Variants in ZNF366 observed in about 807,000 individuals in gnomAD.
ZNF366 encodes zinc finger protein 366.
A neutral mutation model predicts 47.2 loss-of-function variants in ZNF366; 20 were observed. The observed-to-expected ratio is 0.42, with a 90% CI of 0.30 to 0.62. ZNF366 has a LOEUF of 0.62. ZNF366 is among the 20% of genes least tolerant of loss of function. ZNF366 has a pLI of 0.16. For missense variants in ZNF366, 987 were observed against 976.3 expected (o/e 1.01, Z -0.15); for synonymous variants, 421 against 395.1 (o/e 1.07, Z -0.78).
intron 1 of ZNF366, among the ~76,000 whole-genome samples, chr5:72,474,354 A>T (rs938088302): frequency 2.0e-5 from 3 of 152,022 alleles, no homozygotes; most frequent in Admixed American, 6.6e-5. Context: ...CACTGCACAC[A>T]AAGGAGAAAG....
chr5:72,480,778 C>A, intron 1 of ZNF366, among the ~76,000 whole-genome samples: 1 of 152,160 alleles, frequency 6.6e-6, no homozygotes, highest in East Asian at 1.9e-4. Flanking sequence ...AAAATACAAG[C>A]AAATTCAATC....
At chr5:72,477,388 G>A (rs1037810199) in intron 1 of ZNF366, among the ~76,000 whole-genome samples, 1 of 152,198 alleles carries the variant, frequency 6.6e-6, no homozygotes, top group East Asian at 1.9e-4. Flanking sequence ...CCTGGAAGTT[G>A]AGCTAATGGC....
At chr5:72,505,871 G>A (rs892812459) in intron 1 of ZNF366, among the ~76,000 whole-genome samples, 1 of 152,144 alleles carries the variant, frequency 6.6e-6, no homozygotes, top group Non-Finnish European at 1.5e-5. Flanking sequence ...GAATAATTTT[G>A]CATCCGCAAG....
rs1742861190 is a variant in ZNF366 at position 72,441,910 on chromosome 5, A to T, written c.*1846T>A. ...CACACGTACACGACACCCAGTCAGTATTGCTTTTCTCAGTGCCAGTGCCTA... is the reference window on the plus strand; with the variant it reads ...CACACGTACACGACACCCAGTCAGTTTTGCTTTTCTCAGTGCCAGTGCCTA... On this transcript the variant is annotated 3_prime_UTR_variant, in exon 5 of 5. Transcript: ENST00000318442. 3 of 152,234 alleles carry T rather than the reference A, an allele frequency of 2.0e-5. No individual in the cohort carries two copies. 9.4% of individuals were successfully genotyped at this position (152,234 alleles called of 1,614,324 possible). A position where few individuals can be genotyped will look rare whatever the true frequency, so the allele number is the denominator to read the frequency against.
chr5:72,478,200 T>G (rs1743713520), intron 1 of ZNF366, among the ~76,000 whole-genome samples: 1 of 152,202 alleles, frequency 6.6e-6, no homozygotes. Context: ...ATTTATGCAA[T>G]GTCTGCTCTG....
rs116028158 is a variant in ZNF366, at chr5:72,503,745, T to C, written c.-15+3506A>G. On this transcript the variant is annotated intron_variant, in intron 1 of 4. Transcript: ENST00000318442. ...ACCAAGCCACATGAGAGGGCACCTT[T>C]TGCACGTTAGTGCAGAACAACTCAG... Among the ~76,000 whole-genome samples the C allele has an allele frequency of 7.0e-3, 1,067 of 152,352 alleles. 9 individuals are homozygous for C. The highest frequency in any genetic ancestry group is 7.5e-3 in the Non-Finnish European group (513 of 68,028).
chr5:72,506,830 C>G (rs1387765247), intron 1 of ZNF366, among the ~76,000 whole-genome samples: 1 of 152,156 alleles, frequency 6.6e-6, no homozygotes, highest in Admixed American at 6.5e-5. Flanking sequence ...GAGAAGGGCA[C>G]CTCAATCCAG....
intron 1 of ZNF366, among the ~76,000 whole-genome samples, chr5:72,465,634 G>A (rs1219604212): frequency 6.6e-6 from 1 of 152,188 alleles, no homozygotes; most frequent in Non-Finnish European, 1.5e-5. Context: ...ACATGAGGAG[G>A]TGGGGCAAGC....
At position 72,460,535 on chromosome 5, in the gene ZNF366, G is replaced by T. The variant is rs139672583; in HGVS notation, c.962C>A (p.Thr321Asn). Residue 321 changes from threonine (T) to asparagine (N), a missense_variant, in exon 2 of 5, where the codon ACC (threonine) becomes AAC (asparagine). By Grantham distance (65) the Thr-to-Asn change is moderately conservative. This residue lies in a region of ZNF366 where 591 missense variants were observed against 560.9 expected (regional missense o/e 1.05). Coordinates refer to ENST00000318442, the MANE Select transcript of ZNF366 (RefSeq NM_152625.3). ...CQVCHKAFTQ[T>N]SHLKRHMMQH... ...CATCATGTGGCGCTTCAGGTGGCTG[G>T]TCTGGGTGAAGGCCTTGTGGCACAC... The T allele has an allele frequency of 6.2e-7, 1 of 1,614,016 alleles. No homozygotes were observed. The highest frequency in any genetic ancestry group is 1.3e-5 in the African/African-American group (1 of 74,956).
chr5:72,489,895 A>G (rs969368093), intron 1 of ZNF366, among the ~76,000 whole-genome samples: 2 of 152,256 alleles, frequency 1.3e-5, no homozygotes, highest in African/African-American at 2.4e-5. Context: ...ACAATGCAGC[A>G]GCATCATGCT....
At chr5:72,486,969 G>T (rs930992807) in intron 1 of ZNF366, among the ~76,000 whole-genome samples, 2 of 152,064 alleles carry the variant, frequency 1.3e-5, no homozygotes, top group African/African-American at 4.8e-5. Context: ...TAGAGACGGG[G>T]TTTCACCATG....
intron 1 of ZNF366, among the ~76,000 whole-genome samples, chr5:72,468,280 C>T (rs1422628468): frequency 1.3e-5 from 2 of 152,150 alleles, no homozygotes; most frequent in Non-Finnish European, 2.9e-5. Flanking sequence ...AGAGGTAACC[C>T]GATACTGGGC....
At position 72,441,283 on chromosome 5, in the gene ZNF366, A is replaced by C. The variant is rs925997756; in HGVS notation, c.*2473T>G. The C allele has an allele frequency of 6.6e-6, 1 of 152,248 alleles. No homozygotes were observed. Among genetic ancestry groups the C allele is most frequent in the African/African-American group, 2.4e-5 (1 of 41,454 alleles). The allele number at this position is 152,248 out of a possible 1,614,324, so 9.4% of individuals were successfully genotyped here. On this transcript the variant is annotated 3_prime_UTR_variant, in exon 5 of 5. Coordinates refer to ENST00000318442, the MANE Select transcript of ZNF366 (RefSeq NM_152625.3). ...ACGGCATTCTACAGGACGTGTGGTCAAACACAGCACATAGTAGGTCCTCAA... is the reference window on the plus strand; with the variant it reads ...ACGGCATTCTACAGGACGTGTGGTCCAACACAGCACATAGTAGGTCCTCAA...
intron 1 of ZNF366, among the ~76,000 whole-genome samples, chr5:72,474,808 T>C (rs982323138): frequency 9.9e-5 from 15 of 152,204 alleles, no homozygotes; most frequent in Non-Finnish European, 2.1e-4. Flanking sequence ...CTTCTCTGTA[T>C]GGAATCCTCC....
At chr5:72,470,325 T>G (rs1743534832) in intron 1 of ZNF366, among the ~76,000 whole-genome samples, 1 of 152,208 alleles carries the variant, frequency 6.6e-6, no homozygotes, top group Non-Finnish European at 1.5e-5. Context: ...ACTGCCTTCT[T>G]TCTTTGACAT....
At chr5:72,446,564 GAGAACTTTTCATT>G (rs1441986116) in intron 4 of ZNF366, among the ~76,000 whole-genome samples, 1 of 152,198 alleles carries the variant, frequency 6.6e-6, no homozygotes, top group East Asian at 1.9e-4. Context: ...TAAAGGCAGT[GAGAACTTTTCATT>G]AGTTCAGTGA....
chr5:72,470,507 C>G (rs987101619), intron 1 of ZNF366, among the ~76,000 whole-genome samples: 1 of 152,218 alleles, frequency 6.6e-6, no homozygotes, highest in Non-Finnish European at 1.5e-5. Context: ...GGATGTTCCA[C>G]TCATTGGCAG....
At chr5:72,463,224 A>G (rs1399368139) in intron 1 of ZNF366, among the ~76,000 whole-genome samples, 1 of 152,224 alleles carries the variant, frequency 6.6e-6, no homozygotes, top group Non-Finnish European at 1.5e-5. Flanking sequence ...AAATTCTTAA[A>G]TGGCATGTGT....
chr5:72,502,470 G>GA (rs1744228600), intron 1 of ZNF366, among the ~76,000 whole-genome samples: 2 of 152,112 alleles, frequency 1.3e-5, no homozygotes, highest in Admixed American at 6.5e-5. Flanking sequence ...AAACATATAA[G>GA]AAAAAAATGA....
Sources: gnomAD v4.1 joint callset for allele counts (sites outside exome capture counted in the v4.1 genomes callset) on GRCh38, gnomAD v4.1.1 for gene constraint, gnomAD v4.1.1 regional missense constraint, MANE v1.5 for transcripts, NCBI Gene and HGNC (gene_info 2026-07-23, HGNC 2026-07-21) for gene names.